Variants in SERINC5 observed in about 807,000 individuals in gnomAD.
The protein encoded by SERINC5 is serine incorporator 5, also known as chromosome 5 open reading frame 12.
In SERINC5, 41 loss-of-function variants were observed where a neutral mutation model predicts 63.1. The observed-to-expected ratio is 0.65, with a 90% CI of 0.51 to 0.84. The LOEUF (loss-of-function observed/expected upper bound fraction) is 0.84, where lower values mean the gene tolerates loss of function less well. Ranked by LOEUF, SERINC5 falls within the 40% of genes least tolerant of loss-of-function variation. The probability of loss-of-function intolerance (pLI) is 0.00; values close to 1 mark genes in which losing one functional copy is unlikely to be tolerated. For missense variants in SERINC5, 523 were observed against 573.0 expected, an observed-to-expected ratio of 0.91 and a Z score of 0.89; for synonymous variants, 222 against 215.2, an observed-to-expected ratio of 1.03 and a Z score of -0.28.
chr5:80,238,335 TAGTAC>T (rs1201155526), intron 1 of SERINC5, among the ~76,000 whole-genome samples: 1 of 152,086 alleles, frequency 6.6e-6, no homozygotes, highest in African/African-American at 2.4e-5. Flanking sequence ...AACGGTGAGA[TAGTAC>T]ACTCTTAGAA....
Position 80,237,078 on chromosome 5 carries a change from C to T in SERINC5, c.27+18818G>A, listed in dbSNP as rs182519911. Among the ~76,000 whole-genome samples the T allele has an allele frequency of 6.7e-3, 1,019 of 152,230 alleles. 5 individuals are homozygous for T. Among genetic ancestry groups the T allele is most frequent in the Middle Eastern group, 0.027 (8 of 294 alleles). ...CTGACCTCAGGTGATCCACCCGCCT[C>T]GGCCTCCCAAAGTGCTGGGATTACA... is the stretch of plus-strand genomic sequence containing the variant. On this transcript the variant is annotated intron_variant, in intron 1 of 11. Coordinates refer to ENST00000507668, the MANE Select transcript of SERINC5 (RefSeq NM_001174072.3).
rs770767976 is a variant in SERINC5 at position 80,169,318 on chromosome 5, G to GA, written c.763+16dup. ...AGGAAAATATAAGTAACGAAGAATG[G>GA]AAAAAAACATGCTTACGATTTTGGA... On this transcript the variant is annotated intron_variant, in intron 6 of 11. Transcript: ENST00000507668. The GA allele has an allele frequency of 3.1e-6, 5 of 1,605,440 alleles. No individual in the cohort carries two copies. Among genetic ancestry groups the GA allele is most frequent in the Admixed American group, 1.7e-5 (1 of 59,718 alleles).
chr5:80,241,312 T>C (rs1260035890), intron 1 of SERINC5, among the ~76,000 whole-genome samples: 1 of 151,696 alleles, frequency 6.6e-6, no homozygotes, highest in Non-Finnish European at 1.5e-5. Flanking sequence ...CTACTAAAAA[T>C]ACAAAAATTA....
intron 5 of SERINC5, among the ~76,000 whole-genome samples, chr5:80,174,601 T>C (rs2112404855): frequency 6.6e-6 from 1 of 151,366 alleles, no homozygotes; most frequent in African/African-American, 2.4e-5. Context: ...TAAGCAAGAG[T>C]CTGTTAAAAA....
At chr5:80,234,181 G>T (rs543790947) in intron 1 of SERINC5, among the ~76,000 whole-genome samples, 1 of 152,106 alleles carries the variant, frequency 6.6e-6, no homozygotes, top group African/African-American at 2.4e-5. Context: ...CATTTCTCCA[G>T]CAATTTTCTT....
chr5:80,123,820 T>C (rs1262354128), intron 11 of SERINC5, among the ~76,000 whole-genome samples: 1 of 152,168 alleles, frequency 6.6e-6, no homozygotes, highest in South Asian at 2.1e-4. Context: ...AAGGGGAAGG[T>C]AGCTTATTCT....
intron 1 of SERINC5, among the ~76,000 whole-genome samples, chr5:80,248,896 T>A (rs560182416): frequency 1.3e-5 from 2 of 152,366 alleles, no homozygotes; most frequent in South Asian, 4.1e-4. Flanking sequence ...TGATGCCATC[T>A]AACAGAGATG....
intron 2 of SERINC5, among the ~76,000 whole-genome samples, chr5:80,202,037 A>C (rs1282819294): frequency 6.6e-6 from 1 of 152,186 alleles, no homozygotes; most frequent in African/African-American, 2.4e-5. Flanking sequence ...CAGGAGTTCA[A>C]GACCAGCCTG....
rs1268006697 is a variant in SERINC5, at chr5:80,141,452, C to CGCGT, written c.*2207_*2210dup. The stretch of plus-strand genomic sequence containing the variant: ...GGCCTTGTCAGCTGGACCTTGACTG[C>CGCGT]GCGTAAGGTCAGTTTCTCAAATCAC... On this transcript the variant is annotated 3_prime_UTR_variant, in exon 12 of 12. Transcript: ENST00000507668. 4 of 982,934 alleles carry CGCGT rather than the reference C, an allele frequency of 4.1e-6. No homozygotes were observed. The highest frequency in any genetic ancestry group is 1.8e-5 in the African/African-American group (1 of 54,840). 60.9% of individuals were successfully genotyped at this position (982,934 alleles called of 1,614,324 possible).
chr5:80,191,219 T>A (rs1281910056), intron 2 of SERINC5, among the ~76,000 whole-genome samples: 1 of 152,010 alleles, frequency 6.6e-6, no homozygotes, highest in Non-Finnish European at 1.5e-5. Flanking sequence ...CTTTTCTGCC[T>A]ATAAAGACAC....
Position 80,255,902 on chromosome 5 carries a change from C to A in SERINC5, c.21G>T (p.Ala7=). The A allele has an allele frequency of 6.3e-7, 1 of 1,586,512 alleles. No homozygotes were observed. The highest frequency in any genetic ancestry group is 2.3e-5 in the East Asian group (1 of 42,574). The change falls in exon 1 of 12, where the codon GCG becomes GCT. Residue 7 remains alanine, a synonymous_variant. Transcript: ENST00000507668. MSAQCC[A]GQLACCCGSA... The stretch of plus-strand genomic sequence containing the variant: ...TGCGCCCGGCCTCGCTCACCTGGCC[C>A]GCACAGCACTGAGCTGACATCGCGG...
At chr5:80,147,163 G>A (rs1561367034) in intron 10 of SERINC5, 82 bp downstream of exon 10, 7 of 1,280,212 alleles carry the variant, frequency 5.5e-6, no homozygotes, top group Non-Finnish European at 7.7e-6. Flanking sequence ...AGTTATTTGT[G>A]TCTGAATCCC....
At chr5:80,203,314 GTA>G (rs1749974435) in intron 1 of SERINC5, 1 of 157,032 alleles carries the variant, frequency 6.4e-6, no homozygotes, top group Admixed American at 6.6e-5. Flanking sequence ...TATATCTAAT[GTA>G]TATTTTATAT....
rs184246082 is a variant in SERINC5, at chr5:80,156,591, A to G, written c.986+2245T>C. 8.5e-4 allele frequency among the ~76,000 whole-genome samples: 129 copies of G among 152,282 alleles called. 1 individual carries two copies. The highest frequency in any genetic ancestry group is 1.4e-3 in the Non-Finnish European group (98 of 68,024). Reference sequence around the variant, plus strand: ...CACTTTGTAGGGGCTGCAGTTTTATATGTTCTCATCCCACCATACACTGCA... The same window carrying G: ...CACTTTGTAGGGGCTGCAGTTTTATGTGTTCTCATCCCACCATACACTGCA... On this transcript the variant is annotated intron_variant, in intron 8 of 11. Transcript: ENST00000507668.
At chr5:80,216,496 C>T (rs973238369) in intron 1 of SERINC5, among the ~76,000 whole-genome samples, 2 of 152,212 alleles carry the variant, frequency 1.3e-5, no homozygotes, top group African/African-American at 4.8e-5. Flanking sequence ...GCCGTCTTTA[C>T]ACCTTCATTT....
Position 80,210,297 on chromosome 5 carries a change from T to C in SERINC5, c.28-7244A>G, listed in dbSNP as rs191715150. Among the ~76,000 whole-genome samples, 385 of 152,240 alleles carry C rather than the reference T, an allele frequency of 2.5e-3. 2 individuals carry two copies. The highest frequency in any genetic ancestry group is 8.9e-3 in the African/African-American group (369 of 41,560). ...GGGGCAAAGAATCAAAATGAAAGGA[T>C]AAGCTGACTCTTGCTTATCTTACCT... is the stretch of plus-strand genomic sequence containing the variant. On this transcript the variant is annotated intron_variant, in intron 1 of 11. Coordinates refer to ENST00000507668, the MANE Select transcript of SERINC5 (RefSeq NM_001174072.3).
intron 1 of SERINC5, among the ~76,000 whole-genome samples, chr5:80,205,272 C>T (rs908115311): frequency 6.6e-6 from 1 of 152,218 alleles, no homozygotes; most frequent in Non-Finnish European, 1.5e-5. Context: ...TTCACTCCAA[C>T]TTCACCCTTG....
intron 11 of SERINC5, among the ~76,000 whole-genome samples, chr5:80,130,239 G>A (rs946299119): frequency 6.6e-6 from 1 of 152,062 alleles, no homozygotes; most frequent in Non-Finnish European, 1.5e-5. Flanking sequence ...AACTAGCCGG[G>A]CCTGGTGGCA....
At chr5:80,228,083 T>G (rs1442457663) in intron 1 of SERINC5, among the ~76,000 whole-genome samples, 1 of 143,100 alleles carries the variant, frequency 7.0e-6, no homozygotes, top group Non-Finnish European at 1.5e-5. Flanking sequence ...AAAAAAAAAA[T>G]TAGCCAGGCA....
Sources: gnomAD v4.1 joint callset for allele counts (sites outside exome capture counted in the v4.1 genomes callset) on GRCh38, gnomAD v4.1.1 for gene constraint, MANE v1.5 for transcripts, NCBI Gene and HGNC (gene_info 2026-07-23, HGNC 2026-07-21) for gene names.